The following PAXIP1 variants were observed in gnomAD, a reference collection of about 807,000 sequenced individuals.
The protein encoded by PAXIP1 is PAX-interacting protein 1.
PAXIP1 carries 19 observed loss-of-function variants against 140.6 expected under a neutral mutation model. That is an observed-to-expected ratio of 0.14 (90% CI 0.09 to 0.20). The LOEUF (loss-of-function observed/expected upper bound fraction) is 0.20, where lower values mean the gene tolerates loss of function less well. Among genes scored for constraint, PAXIP1 ranks in the 10% least tolerant of loss-of-function variants. The pLI, the probability that PAXIP1 is intolerant of heterozygous loss-of-function variation, is 1.00. For synonymous variants in PAXIP1, 442 were observed against 444.6 expected, an observed-to-expected ratio of 0.99 and a Z score of 0.07; for missense variants, 920 against 1,208.6, an observed-to-expected ratio of 0.76 and a Z score of 3.54.
chr7:154,994,636 T>C lies in PAXIP1; in HGVS notation c.217-867A>G, dbSNP rs145056240. On this transcript the variant is annotated intron_variant, in intron 2 of 20. Coordinates refer to ENST00000404141, the MANE Select transcript of PAXIP1 (RefSeq NM_007349.4). Reference sequence around the variant, plus strand: ...AATGATCTTCAAGCTATTTTTGTCATGTACACCTTAAATAAATTTCAGACA... The same window carrying C: ...AATGATCTTCAAGCTATTTTTGTCACGTACACCTTAAATAAATTTCAGACA... Among the ~76,000 whole-genome samples, 296 of 152,344 alleles carry C rather than the reference T, an allele frequency of 1.9e-3. 1 individual carries two copies. The highest frequency in any genetic ancestry group is 6.6e-3 in the African/African-American group (274 of 41,580).
intron 20 of PAXIP1, chr7:154,945,361 G>A (rs3173680): frequency 0.24 from 49,268 of 201,994 alleles, 7,096 homozygotes; most frequent in Non-Finnish European, 0.31. Flanking sequence ...GCTCTTTAGC[G>A]TTAAGAGGAA....
intron 5 of PAXIP1, 136 bp from the exon 6 acceptor site, chr7:154,976,467 G>T (rs1443259267): frequency 2.4e-6 from 3 of 1,228,940 alleles, no homozygotes; most frequent in Non-Finnish European, 3.4e-6. Flanking sequence ...ATTTTATACA[G>T]AAGCAACGTT....
rs1808857 is a variant in PAXIP1, at chr7:154,963,268, T to C, written c.1989+403A>G. Among the ~76,000 whole-genome samples the C allele has an allele frequency of 0.58, 88,507 of 151,908 alleles. 25,934 individuals are homozygous for C. Among genetic ancestry groups the C allele is most frequent in the Admixed American group, 0.66 (10,121 of 15,278 alleles). On this transcript the variant is annotated intron_variant, in intron 9 of 20. Coordinates refer to ENST00000404141, the MANE Select transcript of PAXIP1 (RefSeq NM_007349.4). The surrounding 1 kb of genome is among the most constrained non-coding windows in gnomAD (Gnocchi z 4.1). ...TTGGCTCACTGCAACCTCTACCTCC[T>C]GGGTTCAAGCAATTCTCCTGCCTCA... is the stretch of plus-strand genomic sequence containing the variant.
intron 6 of PAXIP1, among the ~76,000 whole-genome samples, chr7:154,970,688 G>A (rs1809264100): frequency 6.6e-6 from 1 of 152,158 alleles, no homozygotes; most frequent in Admixed American, 6.5e-5. Flanking sequence ...CCCCTAAGAA[G>A]CATGCACGTG....
intron 8 of PAXIP1, chr7:154,965,268 C>T (rs1389037257): frequency 6.6e-6 from 1 of 152,356 alleles, no homozygotes; most frequent in Non-Finnish European, 1.5e-5. Context: ...ACGGAACCAT[C>T]CTGGAAGGGG....
chr7:154,967,845 C>CA lies in PAXIP1; in HGVS notation c.1863dup (p.Asp622Ter). 6.2e-7 allele frequency: 1 copy of CA among 1,613,488 alleles called. No homozygotes were observed. The highest frequency in any genetic ancestry group is 8.5e-7 in the Non-Finnish European group (1 of 1,179,416). Reference sequence around the variant, plus strand: ...TTCCAGGTGGCCAGCAGTTGCTTATCAGACATCTGCTCTGGATAATCCGCA... The same window carrying CA: ...TTCCAGGTGGCCAGCAGTTGCTTATCAAGACATCTGCTCTGGATAATCCGCA... On this transcript the variant is annotated frameshift_variant, in exon 8 of 21. Coordinates refer to ENST00000404141, the MANE Select transcript of PAXIP1 (RefSeq NM_007349.4). LOFTEE classifies it high-confidence loss of function.
intron 8 of PAXIP1, chr7:154,964,781 A>G (rs1227697476): frequency 6.6e-6 from 1 of 152,238 alleles, no homozygotes; most frequent in East Asian, 1.9e-4. Context: ...GACTTAACAC[A>G]ATGTAGCCCA....
In PAXIP1 at chr7:154,967,897, G is replaced by C; in HGVS notation, c.1812C>G (p.Gly604=). ...TTGCAAACACACATCCCAATAAGAAGCCTTCTTCTGGAACTAGAGTAAAAT... is the reference window on the plus strand; with the variant it reads ...TTGCAAACACACATCCCAATAAGAACCCTTCTTCTGGAACTAGAGTAAAAT... ...HDPAVEIPEE[G]FLLGCVFAIA... is the part of the protein sequence containing the mutation. The change falls in exon 8 of 21, where the codon GGC becomes GGG. Residue 604 remains glycine, a synonymous_variant. Transcript: ENST00000404141. 1.2e-6 allele frequency: 2 copies of C among 1,611,344 alleles called. No individual in the cohort carries two copies. Among genetic ancestry groups the C allele is most frequent in the Non-Finnish European group, 1.7e-6 (2 of 1,178,138 alleles).
At chr7:154,960,803 G>A in intron 12 of PAXIP1, 90 bp downstream of exon 12, 8 of 907,958 alleles carry the variant, frequency 8.8e-6, no homozygotes, top group Non-Finnish European at 1.3e-5. Flanking sequence ...CTCAAGCCAG[G>A]CCTGGTAATT....
At chr7:154,997,629 T>A (rs900499587) in intron 2 of PAXIP1, among the ~76,000 whole-genome samples, 5 of 152,246 alleles carry the variant, frequency 3.3e-5, no homozygotes, top group African/African-American at 1.2e-4. Flanking sequence ...AACACACATT[T>A]TAACAGAAGT....
At chr7:154,962,479 GGTTT>G (rs1808798160) in intron 9 of PAXIP1, 21 bp from the exon 10 acceptor site, 1 of 1,597,290 alleles carries the variant, frequency 6.3e-7, no homozygotes, top group Non-Finnish European at 8.6e-7. Context: ...TAAAATTATA[GGTTT>G]GTTGTTTTTG....
Position 154,957,265 on chromosome 7 carries a change from C to T in PAXIP1, c.2508G>A (p.Gln836=). The change falls in exon 14 of 21, where the codon CAG becomes CAA. Residue 836 remains glutamine, a synonymous_variant. Coordinates refer to ENST00000404141, the MANE Select transcript of PAXIP1 (RefSeq NM_007349.4). ...AAGGCTGGACATTAGCTACTTCATT[C>T]TGTTTCAGTTTGGGAGGTAGTCTTA... ...MSIRLPPKLK[Q]NEVANVQPSS... The T allele has an allele frequency of 6.2e-7, 1 of 1,607,554 alleles. No homozygotes were observed. Among genetic ancestry groups the T allele is most frequent in the Non-Finnish European group, 8.5e-7 (1 of 1,175,650 alleles).
chr7:154,985,457 C>A (rs1230697973), intron 4 of PAXIP1, among the ~76,000 whole-genome samples: 1 of 152,156 alleles, frequency 6.6e-6, no homozygotes, highest in South Asian at 2.1e-4. Context: ...GCCGTCCTCA[C>A]CACGTTCTGC....
chr7:154,946,344 A>G lies in PAXIP1; in HGVS notation c.3194+21T>C, dbSNP rs377050058. The G allele has an allele frequency of 3.6e-5, 58 of 1,613,750 alleles. No homozygotes were observed. The highest frequency in any genetic ancestry group is 4.8e-5 in the Non-Finnish European group (57 of 1,179,784). Reference sequence around the variant, plus strand: ...TCATATCTAACCCGTCTACTTTTTAATTCTCTTTTGGAAAGGATATGATTC... The same window carrying G: ...TCATATCTAACCCGTCTACTTTTTAGTTCTCTTTTGGAAAGGATATGATTC... On this transcript the variant is annotated intron_variant, in intron 20 of 20. Coordinates refer to ENST00000404141, the MANE Select transcript of PAXIP1 (RefSeq NM_007349.4). This position sits in a 1 kb window ranked among gnomAD's most constrained non-coding sequence, Gnocchi z 4.9.
rs1010040199 is a variant in PAXIP1 at position 154,946,204 on chromosome 7, A to G, written c.3194+161T>C. On this transcript the variant is annotated intron_variant, in intron 20 of 20. Transcript: ENST00000404141. This position sits in a 1 kb window ranked among gnomAD's most constrained non-coding sequence, Gnocchi z 4.9. ...AGAGAATATTTTTACTAGCAACTCA[A>G]ATGAATATTCTGAAGAGAAAAGAAT... The G allele has an allele frequency of 3.1e-5, 31 of 984,270 alleles. No homozygotes were observed. The Admixed American group carries it at 3.7e-4, about 12-fold the overall frequency. The allele number at this position is 984,270 out of a possible 1,614,324, so 61.0% of individuals were successfully genotyped here. A position where few individuals can be genotyped will look rare whatever the true frequency, so the allele number is the denominator to read the frequency against.
In PAXIP1 at chr7:154,968,596, C is replaced by A. The variant is rs903976109; in HGVS notation, c.1605G>T (p.Gln535His). The change falls in exon 7 of 21, where the codon CAG becomes CAT. Residue 535 changes from glutamine to histidine, a missense_variant. This residue lies in a region of PAXIP1 where 133 missense variants were observed against 88.4 expected (regional missense o/e 1.50). Coordinates refer to ENST00000404141, the MANE Select transcript of PAXIP1 (RefSeq NM_007349.4). ...GCTGCTGGTGCATGCGCTGGAGCTG[C>A]TGCTGCTGAATCTGCTGTTGCTGCT... is the stretch of plus-strand genomic sequence containing the variant. Reference protein sequence around the residue: ...QQQQQQQIQQQQLQRMHQQQQ... With the variant: ...QQQQQQQIQQHQLQRMHQQQQ... 3 of 716,960 alleles carry A rather than the reference C, an allele frequency of 4.2e-6. No individual in the cohort carries two copies. The highest frequency in any genetic ancestry group is 1.8e-5 in the African/African-American group (1 of 57,128). 44.4% of individuals were successfully genotyped at this position (716,960 alleles called of 1,614,324 possible). A position where few individuals can be genotyped will look rare whatever the true frequency, so the allele number is the denominator to read the frequency against.
At chr7:154,990,454 G>A (rs560349631) in intron 4 of PAXIP1, among the ~76,000 whole-genome samples, 33 of 152,280 alleles carry the variant, frequency 2.2e-4, no homozygotes, top group East Asian at 3.9e-4. Flanking sequence ...CATTCCTGCC[G>A]GCAGGAAGCA....
At position 154,963,853 on chromosome 7, in the gene PAXIP1, C is replaced by T. The variant is rs1271661588; in HGVS notation, c.1894-87G>A. ...TTCAAATAAGGCAGCTATTAAAAGA[C>T]TCTATCATATATTTATATCATGTAT... is the stretch of plus-strand genomic sequence containing the variant. On this transcript the variant is annotated intron_variant, in intron 8 of 20. Coordinates refer to ENST00000404141, the MANE Select transcript of PAXIP1 (RefSeq NM_007349.4). The surrounding 1 kb of genome is among the most constrained non-coding windows in gnomAD (Gnocchi z 4.1). 2.4e-6 allele frequency: 2 copies of T among 829,384 alleles called. No individual in the cohort carries two copies. The highest frequency in any genetic ancestry group is 4.1e-6 in the Non-Finnish European group (2 of 490,144). The allele number at this position is 829,384 out of a possible 1,614,324, so 51.4% of individuals were successfully genotyped here.
chr7:154,976,465 C>G, intron 5 of PAXIP1, 134 bp from the exon 6 acceptor site: 1 of 1,243,270 alleles, frequency 8.0e-7, no homozygotes, highest in Non-Finnish European at 1.1e-6. Flanking sequence ...CAATTTTATA[C>G]AGAAGCAACG....
Sources: gnomAD v4.1 joint callset for allele counts (sites outside exome capture counted in the v4.1 genomes callset) on GRCh38, gnomAD v4.1.1 for gene constraint, gnomAD v4.1.1 regional missense constraint, Gnocchi (gnomAD v3.1) non-coding constraint, MANE v1.5 for transcripts, NCBI Gene and HGNC (gene_info 2026-07-23, HGNC 2026-07-21) for gene names.